The following ITPR2 variants were observed in gnomAD, a reference collection of about 807,000 sequenced individuals.
ITPR2 encodes inositol 1,4,5-trisphosphate-gated calcium channel ITPR2.
ITPR2 carries 207 observed loss-of-function variants against 317.1 expected under a neutral mutation model. That is an observed-to-expected ratio of 0.65 (90% CI 0.58 to 0.73). ITPR2 has a LOEUF of 0.73. Among genes scored for constraint, ITPR2 ranks in the 30% least tolerant of loss-of-function variants. ITPR2 has a pLI of 0.00. For synonymous variants in ITPR2, 1,156 were observed against 1,149.1 expected (o/e 1.01, Z -0.12); for missense variants, 2,613 against 3,284.0 (o/e 0.80, Z 4.99).
In ITPR2 at chr12:26,750,496, A is replaced by G. The variant is rs1295730350; in HGVS notation, c.164-24731T>C. 2.6e-5 allele frequency among the ~76,000 whole-genome samples: 4 copies of G among 152,136 alleles called. No homozygotes were observed. The East Asian group carries it at 7.7e-4, about 29-fold the overall frequency. On this transcript the variant is annotated intron_variant, in intron 2 of 56. Transcript: ENST00000381340. ...CATAGAAGACATCTGCCCCCCAAAC[A>G]GGTCGTCTATACTTGATGGTGACTT...
At chr12:26,343,955 C>T (rs534863087) in intron 55 of ITPR2, among the ~76,000 whole-genome samples, 13 of 152,166 alleles carry the variant, frequency 8.5e-5, no homozygotes, top group Middle Eastern at 3.4e-3. Context: ...ATTTAATTGG[C>T]GTTGTAACAG....
rs555196723 is a variant in ITPR2 at position 26,588,017 on chromosome 12, G to A, written c.4380+7448C>T. On this transcript the variant is annotated intron_variant, in intron 32 of 56. Transcript: ENST00000381340. ...TAAGATTTACAGATGGCACCAAAATGGTTTGCCTGAATGCCTAGAGTGAGT... is the reference window on the plus strand; with the variant it reads ...TAAGATTTACAGATGGCACCAAAATAGTTTGCCTGAATGCCTAGAGTGAGT... Among the ~76,000 whole-genome samples, 3 of 152,284 alleles carry A rather than the reference G, an allele frequency of 2.0e-5. 1 individual carries two copies. The highest frequency in any genetic ancestry group is 4.1e-4 in the South Asian group (2 of 4,826).
At chr12:26,583,361 CAT>C (rs1479876588) in intron 32 of ITPR2, among the ~76,000 whole-genome samples, 2 of 152,056 alleles carry the variant, frequency 1.3e-5, no homozygotes, top group Non-Finnish European at 2.9e-5. Context: ...ATGAGTTTAA[CAT>C]ATTTTTATGA....
At chr12:26,495,037 T>A in intron 38 of ITPR2, 115 bp downstream of exon 38, 1 of 682,448 alleles carries the variant, frequency 1.5e-6, no homozygotes, top group Middle Eastern at 2.4e-4. Context: ...TTTTTAACAG[T>A]GATTTTTAAA....
rs750922792 is a variant in ITPR2, at chr12:26,436,380, G to GA, written c.6644-35dup. On this transcript the variant is annotated intron_variant, in intron 47 of 56. Coordinates refer to ENST00000381340, the MANE Select transcript of ITPR2 (RefSeq NM_002223.4). ...TGAGAAATGTAAAGGAACTGAACAG[G>GA]AAAATACATTTTGGTTTCAACACAT... 1.4e-5 allele frequency: 22 copies of GA among 1,577,598 alleles called. No homozygotes were observed. The African/African-American group carries it at 1.8e-4, about 13-fold the overall frequency.
chr12:26,785,318 C>T (rs1382898324), intron 2 of ITPR2, among the ~76,000 whole-genome samples: 9 of 41,542 alleles, frequency 2.2e-4, no homozygotes, highest in African/African-American at 5.1e-4. Flanking sequence ...GTCAGCCCCC[C>T]GCCCGGCCAG....
intron 32 of ITPR2, among the ~76,000 whole-genome samples, chr12:26,585,380 A>AAT (rs1945499257): frequency 6.6e-6 from 1 of 152,206 alleles, no homozygotes; most frequent in African/African-American, 2.4e-5. Context: ...TCAAATATTA[A>AAT]ATATTTAAGC....
chr12:26,403,282 G>A (rs1391699670), intron 52 of ITPR2, among the ~76,000 whole-genome samples: 1 of 152,146 alleles, frequency 6.6e-6, no homozygotes, highest in Admixed American at 6.5e-5. Context: ...GAGAAGAAAC[G>A]CAAGAGGGTA....
intron 2 of ITPR2, among the ~76,000 whole-genome samples, chr12:26,752,318 G>T (rs1018750892): frequency 3.9e-5 from 6 of 152,160 alleles, no homozygotes; most frequent in Non-Finnish European, 7.4e-5. Flanking sequence ...CTACTGGGCT[G>T]CATTCCAAGA....
At chr12:26,603,941 G>C (rs545355786) in intron 26 of ITPR2, among the ~76,000 whole-genome samples, 1 of 152,126 alleles carries the variant, frequency 6.6e-6, no homozygotes, top group African/African-American at 2.4e-5. Flanking sequence ...GGCATGTCAA[G>C]TTCAATGTGG....
chr12:26,390,970 T>C (rs1939816237), intron 54 of ITPR2, among the ~76,000 whole-genome samples: 1 of 152,184 alleles, frequency 6.6e-6, no homozygotes, highest in Non-Finnish European at 1.5e-5. Context: ...CGTTGCGTTA[T>C]ATTCTGAAGA....
At chr12:26,485,343 C>T (rs78958368) in intron 41 of ITPR2, among the ~76,000 whole-genome samples, 6,241 of 152,292 alleles carry the variant, frequency 0.041, 204 homozygotes, top group South Asian at 0.11. Context: ...CACACTCCTA[C>T]CAGTAAACTG....
At chr12:26,797,548 G>A (rs1950470555) in intron 1 of ITPR2, among the ~76,000 whole-genome samples, 1 of 152,070 alleles carries the variant, frequency 6.6e-6, no homozygotes, top group Non-Finnish European at 1.5e-5. Context: ...TAACAAAATG[G>A]CTCTGAAATG....
rs184576701 is a variant in ITPR2, at chr12:26,416,231, C to T, written c.7111-733G>A. Among the ~76,000 whole-genome samples, 413 of 152,242 alleles carry T rather than the reference C, an allele frequency of 2.7e-3. 5 individuals carry two copies. Among genetic ancestry groups the T allele is most frequent in the Middle Eastern group, 3.4e-3 (1 of 294 alleles). ...TCTTCAGTAGTAGAAAATCTATGCA[C>T]TAGTCAAGCTATGTGTTTGCAATCT... On this transcript the variant is annotated intron_variant, in intron 50 of 56. Coordinates refer to ENST00000381340, the MANE Select transcript of ITPR2 (RefSeq NM_002223.4).
Position 26,428,111 on chromosome 12 carries a change from A to G in ITPR2, c.6770-23T>C, listed in dbSNP as rs200952988. 215 of 1,546,858 alleles carry G rather than the reference A, an allele frequency of 1.4e-4. No individual in the cohort carries two copies. The African/African-American group carries it at 2.8e-3, about 20-fold the overall frequency. On this transcript the variant is annotated intron_variant, in intron 48 of 56. Coordinates refer to ENST00000381340, the MANE Select transcript of ITPR2 (RefSeq NM_002223.4). ...TACCTGTAAAATGTGGAAGAAATTT[A>G]TTGCTACTAAGAATAAAACTAAAAA...
At chr12:26,484,798 G>A (rs530423391) in intron 41 of ITPR2, among the ~76,000 whole-genome samples, 10 of 151,922 alleles carry the variant, frequency 6.6e-5, no homozygotes, top group Non-Finnish European at 1.3e-4. Flanking sequence ...TGCAAGCTCC[G>A]CCTCCCGGGT....
chr12:26,595,559 T>C lies in ITPR2; in HGVS notation c.4286A>G (p.His1429Arg). 6.3e-7 allele frequency: 1 copy of C among 1,592,254 alleles called. No individual in the cohort carries two copies. Among genetic ancestry groups the C allele is most frequent in the Non-Finnish European group, 8.5e-7 (1 of 1,173,588 alleles). The change falls in exon 32 of 57, where the codon CAC (histidine) becomes CGC (arginine). Residue 1429 changes from histidine to arginine, a missense_variant. Physicochemically the swap from His to Arg is conservative, Grantham distance 29. Coordinates refer to ENST00000381340, the MANE Select transcript of ITPR2 (RefSeq NM_002223.4). The stretch of plus-strand genomic sequence containing the variant: ...TTCCACTTCAGTGTCAACATAACAG[T>C]GATTAACAAAGTTCACATAAGCAAT... The part of the protein sequence containing the change: ...VKIAYVNFVN[H>R]CYVDTEVEMK...
intron 10 of ITPR2, among the ~76,000 whole-genome samples, chr12:26,693,867 T>G (rs1948285170): frequency 6.6e-6 from 1 of 152,222 alleles, no homozygotes; most frequent in African/African-American, 2.4e-5. Context: ...TCAAAGAGTT[T>G]CCATCTGTCT....
intron 45 of ITPR2, among the ~76,000 whole-genome samples, chr12:26,456,677 A>AT (rs1222890570): frequency 6.6e-6 from 1 of 151,350 alleles, no homozygotes; most frequent in African/African-American, 2.4e-5. Context: ...TCTAGTAACA[A>AT]TTTTTTTTCT....
Sources: allele counts gnomAD v4.1 joint callset (sites outside exome capture counted in the v4.1 genomes callset), GRCh38; gene constraint gnomAD v4.1.1; transcripts MANE v1.5; gene names NCBI Gene and HGNC (gene_info 2026-07-23, HGNC 2026-07-21).